The following AR variants were observed in gnomAD, a reference collection of about 807,000 sequenced individuals.
AR encodes dihydrotestosterone receptor.
Under a neutral mutation model 53.9 loss-of-function variants are expected in AR, and 8 were observed. The ratio of observed to expected loss-of-function variants is 0.15; its 90% CI spans 0.09 to 0.27. AR has a LOEUF of 0.27. AR is among the 10% of genes least tolerant of loss of function. The pLI, the probability that AR is intolerant of heterozygous loss-of-function variation, is 1.00. For missense variants in AR, 639 were observed against 742.5 expected (o/e 0.86, Z 1.62); for synonymous variants, 359 against 316.4 (o/e 1.13, Z -1.43).
rs1322213371 is a variant in AR, at chrX:67,656,226, G to C, written c.1768+12819G>C. Among the ~76,000 whole-genome samples the C allele has an allele frequency of 3.6e-5, 4 of 111,695 alleles. No individual in the cohort carries two copies. The East Asian group carries it at 1.1e-3, about 32-fold the overall frequency. Reference sequence around the variant, plus strand: ...TTTATTTTTTCAACAAGCATGTATGGTATCAGGCCTTGTATGCATCCAGAG... The same window carrying C: ...TTTATTTTTTCAACAAGCATGTATGCTATCAGGCCTTGTATGCATCCAGAG... On this transcript the variant is annotated intron_variant, in intron 2 of 7. Transcript: ENST00000374690.
chrX:67,588,881 G>A (rs981697901), intron 1 of AR, among the ~76,000 whole-genome samples: 5 of 111,980 alleles, frequency 4.5e-5, no homozygotes, highest in Admixed American at 2.8e-4. Context: ...TGCTTTTAGA[G>A]CAAGGACAAT....
chrX:67,672,386 G>A (rs1396784752), intron 2 of AR, among the ~76,000 whole-genome samples: 3 of 110,773 alleles, frequency 2.7e-5, no homozygotes, highest in African/African-American at 9.8e-5. Context: ...CCATTTGGTT[G>A]TTTTCTGGTT....
At chrX:67,577,133 G>T (rs1435939664) in intron 1 of AR, among the ~76,000 whole-genome samples, 2 of 106,294 alleles carry the variant, frequency 1.9e-5, no homozygotes, top group African/African-American at 6.9e-5. Context: ...CCCACCCCCT[G>T]ACCCTTCAAC....
chrX:67,633,365 C>T (rs1227731643), intron 1 of AR, among the ~76,000 whole-genome samples: 1 of 111,753 alleles, frequency 8.9e-6, no homozygotes, highest in Non-Finnish European at 1.9e-5. Context: ...TTAGCTTCCA[C>T]TTATCAGTGA....
At chrX:67,667,402 T>A (rs1204853962) in intron 2 of AR, among the ~76,000 whole-genome samples, 1 of 111,380 alleles carries the variant, frequency 9.0e-6, no homozygotes, top group Non-Finnish European at 1.9e-5. Flanking sequence ...TCTGTTCTGT[T>A]CCATTGGTCT....
At chrX:67,649,703 A>C (rs1042361453) in intron 2 of AR, among the ~76,000 whole-genome samples, 3 of 111,495 alleles carry the variant, frequency 2.7e-5, no homozygotes, top group Non-Finnish European at 5.7e-5. Context: ...CATATCCTTC[A>C]CCCACTTTCT....
At chrX:67,701,420 C>A (rs754464035) in intron 3 of AR, among the ~76,000 whole-genome samples, 61 of 111,054 alleles carry the variant, frequency 5.5e-4, no homozygotes, top group Non-Finnish European at 9.3e-4. Flanking sequence ...CTCAGCTCTG[C>A]CACTAGGTGA....
intron 1 of AR, among the ~76,000 whole-genome samples, chrX:67,595,009 A>C (rs1222974945): frequency 9.0e-6 from 1 of 111,153 alleles, no homozygotes; most frequent in Admixed American, 9.6e-5. Context: ...GTTCCTAAAT[A>C]ATTTTCCAAT....
chrX:67,703,065 A>C (rs1255979969), intron 3 of AR, among the ~76,000 whole-genome samples: 1 of 111,597 alleles, frequency 9.0e-6, no homozygotes, highest in Non-Finnish European at 1.9e-5. Flanking sequence ...TGACAGAGGA[A>C]GATCCTCCTT....
At chrX:67,603,439 G>T (rs1026044695) in intron 1 of AR, among the ~76,000 whole-genome samples, 1 of 111,834 alleles carries the variant, frequency 8.9e-6, no homozygotes, top group African/African-American at 3.2e-5. Context: ...AGAGGAGATT[G>T]TCTGTGAACT....
chrX:67,599,961 A>T (rs891437891), intron 1 of AR, among the ~76,000 whole-genome samples: 2 of 111,849 alleles, frequency 1.8e-5, no homozygotes, highest in African/African-American at 6.5e-5. Context: ...GTATATGCAA[A>T]TGTGCATATA....
At chrX:67,628,788 C>T (rs993527302) in intron 1 of AR, among the ~76,000 whole-genome samples, 1 of 111,578 alleles carries the variant, frequency 9.0e-6, no homozygotes, top group African/African-American at 3.3e-5. Flanking sequence ...ATAGATAGCT[C>T]TTATTATTTT....
rs912869037 is a variant in AR, at chrX:67,726,085, G to T, written c.*2244G>T. ...GAGTGACATGATATGATCCACAAGG[G>T]TTTCCTTCCCTGATTTCTGCATTGA... On this transcript the variant is annotated 3_prime_UTR_variant, in exon 8 of 8. Transcript: ENST00000374690. The T allele has an allele frequency of 1.1e-5, 2 of 175,618 alleles. No homozygotes were observed. Among genetic ancestry groups the T allele is most frequent in the East Asian group, 1.6e-4 (2 of 12,431 alleles). The allele number at this position is 175,618 out of a possible 1,213,427, so 14.5% of individuals were successfully genotyped here.
chrX:67,667,049 CAGA>C (rs1269823614), intron 2 of AR, among the ~76,000 whole-genome samples: 11 of 111,052 alleles, frequency 9.9e-5, no homozygotes, highest in African/African-American at 3.6e-4. Context: ...ACTTGCTGTG[CAGA>C]AGGTTTTTAA....
intron 2 of AR, among the ~76,000 whole-genome samples, chrX:67,665,103 G>A (rs1028116325): frequency 4.4e-5 from 5 of 112,716 alleles, no homozygotes; most frequent in African/African-American, 6.4e-5. Context: ...GCTCATGCTC[G>A]GTGCGCTGCA....
chrX:67,705,040 T>A (rs1386291960), intron 3 of AR, among the ~76,000 whole-genome samples: 1 of 112,022 alleles, frequency 8.9e-6, no homozygotes, highest in Non-Finnish European at 1.9e-5. Context: ...GCTGTTTTGG[T>A]TACTGTAGCC....
chrX:67,705,659 C>G (rs2076063410), intron 3 of AR, among the ~76,000 whole-genome samples: 1 of 111,487 alleles, frequency 9.0e-6, no homozygotes, highest in African/African-American at 3.3e-5. Context: ...CCTGATTGTC[C>G]TAGCCAGAAC....
At chrX:67,703,322 A>G (rs2076050676) in intron 3 of AR, among the ~76,000 whole-genome samples, 1 of 112,142 alleles carries the variant, frequency 8.9e-6, no homozygotes, top group Non-Finnish European at 1.9e-5. Flanking sequence ...AATTATTTAT[A>G]TTTCTGTCTA....
At chrX:67,721,313 A>G (rs993839981) in intron 5 of AR, among the ~76,000 whole-genome samples, 1 of 112,458 alleles carries the variant, frequency 8.9e-6, no homozygotes, top group African/African-American at 3.2e-5. Context: ...ATTCCAGGCC[A>G]GAGGCAAAGG....
Sources: gnomAD v4.1 joint callset for allele counts (sites outside exome capture counted in the v4.1 genomes callset) on GRCh38, gnomAD v4.1.1 for gene constraint, MANE v1.5 for transcripts, NCBI Gene and HGNC (gene_info 2026-07-23, HGNC 2026-07-21) for gene names.